ZNF69: variants seen among roughly 807,000 people sequenced by gnomAD.
The protein encoded by ZNF69 is ZNF3.
ZNF69 carries 47 observed loss-of-function variants against 50.9 expected under a neutral mutation model. That is an observed-to-expected ratio of 0.92 (90% CI 0.73 to 1.18). The LOEUF (loss-of-function observed/expected upper bound fraction) is 1.18. ZNF69 is among the 50% of genes most tolerant of loss of function. The pLI is 0.00. For synonymous variants in ZNF69, 216 were observed against 223.1 expected, an observed-to-expected ratio of 0.97 and a Z score of 0.29; for missense variants, 717 against 675.1, an observed-to-expected ratio of 1.06 and a Z score of -0.69.
chr19:11,974,147 TTTCTTTCTTTCCTTCC>T, the ZNF69 span, among the ~76,000 whole-genome samples: 3 of 122,746 alleles, frequency 2.4e-5, no homozygotes, highest in Admixed American at 8.2e-5. Context: ...TCTTTCTTTC[TTTCTTTCTTTCCTTCC>T]TTCCTTCCTT....
chr19:11,914,587 G>A (rs1282664426), downstream of ZNF69, among the ~76,000 whole-genome samples: 1 of 152,132 alleles, frequency 6.6e-6, no homozygotes, highest in East Asian at 1.9e-4. Flanking sequence ...GTGCTGCTGA[G>A]GCTAACTTGT....
chr19:11,922,255 G>A, the ZNF69 span, among the ~76,000 whole-genome samples: 1 of 152,294 alleles, frequency 6.6e-6, no homozygotes, highest in South Asian at 2.1e-4. Context: ...AAGGACACTG[G>A]CTATGCAAGG....
the ZNF69 span, chr19:11,946,937 A>G: frequency 1.5e-6 from 1 of 687,556 alleles, no homozygotes; most frequent in Admixed American, 4.3e-5. Flanking sequence ...GTGGTGAGCC[A>G]ATATCACGCC....
chr19:11,920,155 A>G, the ZNF69 span, among the ~76,000 whole-genome samples: 24 of 146,426 alleles, frequency 1.6e-4, no homozygotes, highest in South Asian at 4.9e-3. Context: ...TCTGTTGTCC[A>G]GGCTGGAGTG....
the ZNF69 span, chr19:11,950,080 A>T: frequency 3.8e-5 from 61 of 1,614,118 alleles, no homozygotes; most frequent in Non-Finnish European, 5.0e-5. Flanking sequence ...GAATGGATTC[A>T]CATCTGCCAA....
At chr19:11,903,293 C>G (rs1036259303) in intron 1 of ZNF69, among the ~76,000 whole-genome samples, 1 of 152,266 alleles carries the variant, frequency 6.6e-6, no homozygotes, top group East Asian at 1.9e-4. Flanking sequence ...CATGGTGGCA[C>G]ATGCCTGTAA....
chr19:11,926,162 G>C, the ZNF69 span, among the ~76,000 whole-genome samples: 2 of 152,186 alleles, frequency 1.3e-5, no homozygotes, highest in African/African-American at 4.8e-5. Flanking sequence ...TATGAATTCT[G>C]AGGCGTGACT....
the ZNF69 span, among the ~76,000 whole-genome samples, chr19:11,974,072 TC>T: frequency 1.6e-5 from 1 of 61,508 alleles, no homozygotes; most frequent in Non-Finnish European, 3.5e-5. Context: ...TTCTTTCTTT[TC>T]TTTCTTTCTT....
the ZNF69 span, among the ~76,000 whole-genome samples, chr19:11,966,562 T>C: frequency 0.019 from 2,889 of 152,112 alleles, 36 homozygotes; most frequent in African/African-American, 0.026. Context: ...TTAGTAAAGA[T>C]TGGGCTTCAC....
chr19:11,963,776 C>G, the ZNF69 span, among the ~76,000 whole-genome samples: 1 of 152,094 alleles, frequency 6.6e-6, no homozygotes, highest in Non-Finnish European at 1.5e-5. Flanking sequence ...GCCCTAGATC[C>G]GCGCTGCTGT....
At chr19:11,974,126 T>TTTTC in the ZNF69 span, among the ~76,000 whole-genome samples, 1,034 of 54,944 alleles carry the variant, frequency 0.019, 13 homozygotes, top group South Asian at 0.046. Context: ...TCTTTCTTTC[T>TTTTC]TTTCTTTCTT....
In ZNF69 at chr19:11,905,382, A is replaced by G. The variant is rs552570344; in HGVS notation, c.985A>G (p.Lys329Glu). ...VRIHERTHSR[K>E]KPYECTQCGK... Reference sequence around the variant, plus strand: ...TATACATGAAAGGACCCACTCTAGGAAAAAACCCTATGAATGTACGCAGTG... The same window carrying G: ...TATACATGAAAGGACCCACTCTAGGGAAAAACCCTATGAATGTACGCAGTG... Residue 329 changes from lysine to glutamate, a missense_variant, in exon 4 of 4, where the codon AAA becomes GAA. Transcript: ENST00000429654. The G allele has an allele frequency of 2.5e-4, 400 of 1,614,168 alleles. 5 individuals are homozygous for G. In the South Asian group the frequency reaches 4.2e-3, roughly 17 times the overall value.
intron 1 of ZNF69, among the ~76,000 whole-genome samples, chr19:11,893,627 A>G (rs1365421310): frequency 6.6e-6 from 1 of 151,964 alleles, no homozygotes; most frequent in Middle Eastern, 3.2e-3. Flanking sequence ...GCACCCTCCT[A>G]TCTTTTCCTG....
chr19:11,920,665 A>G, the ZNF69 span, among the ~76,000 whole-genome samples: 1 of 151,936 alleles, frequency 6.6e-6, no homozygotes, highest in Non-Finnish European at 1.5e-5. Context: ...AGGGGGGTGC[A>G]TCACCTGAGC....
chr19:11,936,913 C>T, the ZNF69 span, among the ~76,000 whole-genome samples: 1 of 152,124 alleles, frequency 6.6e-6, no homozygotes, highest in African/African-American at 2.4e-5. Flanking sequence ...TATGGCTAGC[C>T]AGTTCTCCCA....
At chr19:11,923,794 T>C in the ZNF69 span, among the ~76,000 whole-genome samples, 1 of 152,004 alleles carries the variant, frequency 6.6e-6, no homozygotes, top group African/African-American at 2.4e-5. Context: ...ATCGATGGGG[T>C]GAGAAGTAGC....
At chr19:11,943,245 GT>G in the ZNF69 span, among the ~76,000 whole-genome samples, 2 of 152,162 alleles carry the variant, frequency 1.3e-5, no homozygotes, top group African/African-American at 4.8e-5. Context: ...CCTTAACTAT[GT>G]TTTTGACTAC....
the ZNF69 span, among the ~76,000 whole-genome samples, chr19:11,967,432 T>A: frequency 3.3e-5 from 5 of 150,680 alleles, no homozygotes; most frequent in Admixed American, 6.6e-5. Flanking sequence ...TGAGACGGAG[T>A]CTCGCTCTGT....
At chr19:11,972,097 C>T in the ZNF69 span, among the ~76,000 whole-genome samples, 1 of 151,432 alleles carries the variant, frequency 6.6e-6, no homozygotes, top group African/African-American at 2.4e-5. Context: ...GAAATTAGTC[C>T]AGCCTGGGTA....
Sources: allele counts gnomAD v4.1 joint callset (sites outside exome capture counted in the v4.1 genomes callset), GRCh38; gene constraint gnomAD v4.1.1; transcripts MANE v1.5; gene names NCBI Gene and HGNC (gene_info 2026-07-23, HGNC 2026-07-21).